BTRC: variants seen among roughly 807,000 people sequenced by gnomAD.
BTRC encodes the protein beta-transducin repeat containing E3 ubiquitin protein ligase.
A neutral mutation model predicts 85.5 loss-of-function variants in BTRC; 42 were observed. That is an observed-to-expected ratio of 0.49 (90% CI 0.38 to 0.64). BTRC has a LOEUF of 0.64. Ranked by LOEUF, BTRC falls within the 30% of genes least tolerant of loss-of-function variation. The pLI is 0.00. For synonymous variants in BTRC, 255 were observed against 263.3 expected, an observed-to-expected ratio of 0.97 and a Z score of 0.30; for missense variants, 594 against 743.5, an observed-to-expected ratio of 0.80 and a Z score of 2.34.
chr10:101,476,495 G>A (rs926435741), intron 3 of BTRC, among the ~76,000 whole-genome samples: 3 of 152,136 alleles, frequency 2.0e-5, no homozygotes, highest in Non-Finnish European at 4.4e-5. Flanking sequence ...TTAAAGAGAT[G>A]ATGTCTTGAT....
At position 101,460,809 on chromosome 10, in the gene BTRC, T is replaced by C. The variant is rs1015560654; in HGVS notation, c.157-1172T>C. On this transcript the variant is annotated intron_variant, in intron 2 of 14. Transcript: ENST00000370187. Reference sequence around the variant, plus strand: ...ATGAAAATTTTCAGATAAACTCTCATGTTAAAAATAATTTCTGAACCTACA... The same window carrying C: ...ATGAAAATTTTCAGATAAACTCTCACGTTAAAAATAATTTCTGAACCTACA... 3.9e-5 allele frequency among the ~76,000 whole-genome samples: 6 copies of C among 152,358 alleles called. No homozygotes were observed. In the South Asian group the frequency reaches 1.2e-3, roughly 32 times the overall value.
chr10:101,532,760 G>GTA (rs2062308254), intron 8 of BTRC, among the ~76,000 whole-genome samples, 192 bp from the exon 9 acceptor site: 1 of 68,944 alleles, frequency 1.5e-5, no homozygotes, highest in Non-Finnish European at 2.5e-5. Context: ...ATGTGTGTGT[G>GTA]TGTGTGTGTG....
At chr10:101,549,147 G>A (rs7096502) in intron 13 of BTRC, among the ~76,000 whole-genome samples, 95,533 of 151,520 alleles carry the variant, frequency 0.63, 31,258 homozygotes, top group East Asian at 0.85. Context: ...AACAATAACA[G>A]CATTGGGCCA....
Position 101,534,713 on chromosome 10 carries a change from G to A in BTRC, c.1150G>A (p.Glu384Lys). 1 of 1,614,202 alleles carries A rather than the reference G, an allele frequency of 6.2e-7. No individual in the cohort carries two copies. The highest frequency in any genetic ancestry group is 8.5e-7 in the Non-Finnish European group (1 of 1,180,026). Residue 384 changes from glutamate to lysine, a missense_variant, in exon 10 of 15, where the codon GAA becomes AAA. By Grantham distance (56) the Glu-to-Lys change is moderately conservative. This residue lies in a region of BTRC where 373 missense variants were observed against 503.6 expected (regional missense o/e 0.74). Transcript: ENST00000370187. ...GCTAAACACGTTGATTCACCATTGTGAAGCAGTTCTGCACTTGCGTTTCAA... is the reference window on the plus strand; with the variant it reads ...GCTAAACACGTTGATTCACCATTGTAAAGCAGTTCTGCACTTGCGTTTCAA... ...EMLNTLIHHC[E>K]AVLHLRFNNG...
intron 2 of BTRC, among the ~76,000 whole-genome samples, chr10:101,438,872 A>G (rs1280347344): frequency 1.3e-5 from 2 of 152,134 alleles, no homozygotes; most frequent in Non-Finnish European, 2.9e-5. Context: ...ACAATATTTG[A>G]CCAAAATCTC....
Position 101,462,009 on chromosome 10 carries a change from A to G in BTRC, c.185A>G (p.Asn62Ser). 1 of 1,612,368 alleles carries G rather than the reference A, an allele frequency of 6.2e-7. No homozygotes were observed. Among genetic ancestry groups the G allele is most frequent in the Non-Finnish European group, 8.5e-7 (1 of 1,178,762 alleles). ...QNSSEREDCN[N>S]GEPPRKIIPE... The stretch of plus-strand genomic sequence containing the variant: ...TCCTCAGAGAGAGAAGACTGTAATA[A>G]TGGCGAACCCCCTAGGAAGATAATA... Residue 62 changes from asparagine to serine, a missense_variant, in exon 3 of 15, where the codon AAT becomes AGT. By Grantham distance (46) the Asn-to-Ser change is conservative. Around this residue, in one of 4 missense-constraint regions of BTRC, gnomAD observed 163 missense variants for 180.5 expected, o/e 0.90. Coordinates refer to ENST00000370187, the MANE Select transcript of BTRC (RefSeq NM_033637.4).
intron 2 of BTRC, among the ~76,000 whole-genome samples, chr10:101,455,952 G>A (rs1024374562): frequency 4.4e-5 from 5 of 113,090 alleles, no homozygotes; most frequent in African/African-American, 1.8e-4. Flanking sequence ...GGCTAGCCTG[G>A]CCAACATGGT....
chr10:101,501,562 C>T (rs1018581742), intron 4 of BTRC, among the ~76,000 whole-genome samples: 1 of 152,148 alleles, frequency 6.6e-6, no homozygotes, highest in African/African-American at 2.4e-5. Flanking sequence ...CATCAAAGTT[C>T]AGTATGTATT....
chr10:101,528,996 G>A (rs373421892), intron 6 of BTRC, among the ~76,000 whole-genome samples: 1 of 152,144 alleles, frequency 6.6e-6, no homozygotes, highest in East Asian at 1.9e-4. Context: ...TGAATATGCT[G>A]TCTGCTCAGT....
intron 5 of BTRC, among the ~76,000 whole-genome samples, chr10:101,522,377 C>CAA (rs377683037): frequency 1.6e-4 from 8 of 49,320 alleles, no homozygotes; most frequent in Non-Finnish European, 3.2e-4. Flanking sequence ...CAAAAAAAAA[C>CAA]AAAAAAAAAA....
chr10:101,365,679 G>T (rs778786174), intron 1 of BTRC, among the ~76,000 whole-genome samples: 1 of 151,884 alleles, frequency 6.6e-6, no homozygotes, highest in Non-Finnish European at 1.5e-5. Flanking sequence ...GTTTCACCAT[G>T]TTGGCCAGGC....
At chr10:101,454,718 G>A (rs1945031108) in intron 2 of BTRC, among the ~76,000 whole-genome samples, 1 of 152,142 alleles carries the variant, frequency 6.6e-6, no homozygotes, top group Non-Finnish European at 1.5e-5. Flanking sequence ...GGAGTTGGAG[G>A]TTACAAGGAG....
intron 13 of BTRC, 118 bp downstream of exon 13, chr10:101,538,489 T>A: frequency 2.3e-6 from 2 of 875,400 alleles, no homozygotes; most frequent in Non-Finnish European, 3.7e-6. Context: ...AACCTACAAC[T>A]AAGTGGTAAG....
chr10:101,475,922 CATATATATATATATATAT>C (rs71016324), intron 3 of BTRC, among the ~76,000 whole-genome samples: 63 of 67,552 alleles, frequency 9.3e-4, no homozygotes, highest in Non-Finnish European at 1.1e-3. Flanking sequence ...AGTATTTTGC[CATATATATATATATATAT>C]ATATATATAT....
rs533200467 is a variant in BTRC, at chr10:101,524,353, T to C, written c.557-1660T>C. On this transcript the variant is annotated intron_variant, in intron 5 of 14. Transcript: ENST00000370187. ...ACTGAGACATGTTACTATCTCAAGC[T>C]TATACCACTAAGAATTGAACAGGAG... Among the ~76,000 whole-genome samples, 4 of 152,322 alleles carry C rather than the reference T, an allele frequency of 2.6e-5. No homozygotes were observed. The East Asian group carries it at 7.7e-4, about 29-fold the overall frequency.
At chr10:101,478,747 C>T (rs984518515) in intron 3 of BTRC, among the ~76,000 whole-genome samples, 2 of 148,474 alleles carry the variant, frequency 1.3e-5, no homozygotes, top group African/African-American at 5.0e-5. Flanking sequence ...CACCACTGTA[C>T]TTCCAGCTGG....
At chr10:101,525,638 T>TG (rs886361291) in intron 5 of BTRC, among the ~76,000 whole-genome samples, 36 of 152,188 alleles carry the variant, frequency 2.4e-4, no homozygotes, top group African/African-American at 7.0e-4. Flanking sequence ...TATAGAGATT[T>TG]GGGGGGGTCT....
At position 101,394,241 on chromosome 10, in the gene BTRC, C is replaced by T. The variant is rs546623867; in HGVS notation, c.49-36104C>T. On this transcript the variant is annotated intron_variant, in intron 1 of 14. Coordinates refer to ENST00000370187, the MANE Select transcript of BTRC (RefSeq NM_033637.4). ...TTTCAATTTGGAAATGGTTCGAGTA[C>T]GAACTCAATTATTTTCAAATATAAA... Among the ~76,000 whole-genome samples, 6 of 151,952 alleles carry T rather than the reference C, an allele frequency of 3.9e-5. No individual in the cohort carries two copies. The East Asian group carries it at 5.8e-4, about 15-fold the overall frequency.
At chr10:101,367,024 T>TTTTTA (rs1942471945) in intron 1 of BTRC, among the ~76,000 whole-genome samples, 1 of 61,730 alleles carries the variant, frequency 1.6e-5, no homozygotes, top group Non-Finnish European at 3.3e-5. Context: ...ATATTTATAT[T>TTTTTA]TATATATTTA....
Sources: allele counts gnomAD v4.1 joint callset (sites outside exome capture counted in the v4.1 genomes callset), GRCh38; gene constraint gnomAD v4.1.1; regional missense constraint gnomAD v4.1.1; transcripts MANE v1.5; gene names NCBI Gene and HGNC (gene_info 2026-07-23, HGNC 2026-07-21).